Variants in SLCO2A1 observed in about 807,000 individuals in gnomAD.
SLCO2A1 encodes the protein matrin F/G 1.
In SLCO2A1, 60 loss-of-function variants were observed where a neutral mutation model predicts 71.7. That is an observed-to-expected ratio of 0.84 (90% CI 0.68 to 1.04). The LOEUF (loss-of-function observed/expected upper bound fraction) is 1.04. Ranked by LOEUF, SLCO2A1 falls within the 50% of genes least tolerant of loss-of-function variation. The pLI is 0.00. For synonymous variants in SLCO2A1, 308 were observed against 326.7 expected, an observed-to-expected ratio of 0.94 and a Z score of 0.62; for missense variants, 745 against 813.4, an observed-to-expected ratio of 0.92 and a Z score of 1.02.
chr3:133,944,741 C>T (rs1382569328), intron 10 of SLCO2A1, among the ~76,000 whole-genome samples: 1 of 152,248 alleles, frequency 6.6e-6, no homozygotes, highest in Non-Finnish European at 1.5e-5. Flanking sequence ...GGGCCACGGC[C>T]AGCCTGCAGG....
intron 10 of SLCO2A1, among the ~76,000 whole-genome samples, chr3:133,944,064 C>A (rs1933501919): frequency 6.6e-6 from 1 of 152,236 alleles, no homozygotes; most frequent in Non-Finnish European, 1.5e-5. Flanking sequence ...CCAAGCCCGG[C>A]CTTTTCTCTT....
chr3:134,003,300 G>A (rs1304090483), intron 1 of SLCO2A1, among the ~76,000 whole-genome samples: 1 of 152,206 alleles, frequency 6.6e-6, no homozygotes, highest in African/African-American at 2.4e-5. Flanking sequence ...CAGCACATGG[G>A]TGGATTCACG....
chr3:133,992,369 A>G (rs529492011), intron 1 of SLCO2A1, among the ~76,000 whole-genome samples: 3 of 152,356 alleles, frequency 2.0e-5, no homozygotes, highest in African/African-American at 7.2e-5. Flanking sequence ...ATAGAGCACA[A>G]GAAAGGGAGG....
intron 1 of SLCO2A1, among the ~76,000 whole-genome samples, chr3:134,024,899 C>G (rs371041748): frequency 1.3e-5 from 2 of 152,188 alleles, no homozygotes; most frequent in South Asian, 2.1e-4. Flanking sequence ...ATCAGAGAGC[C>G]CAGTTGAACA....
In SLCO2A1 at chr3:133,967,150, C is replaced by G. The variant is rs141813519; in HGVS notation, c.397+6513G>C. On this transcript the variant is annotated intron_variant, in intron 3 of 13. Coordinates refer to ENST00000310926, the MANE Select transcript of SLCO2A1 (RefSeq NM_005630.3). ...GCAGCTTGCCTCCTGGACCCTCCCC[C>G]CAAGCAGACCTGTCACTCAGCTTCA... Among the ~76,000 whole-genome samples, 206 of 152,296 alleles carry G rather than the reference C, an allele frequency of 1.4e-3. 1 individual carries two copies. The highest frequency in any genetic ancestry group is 4.7e-3 in the African/African-American group (194 of 41,572).
At chr3:133,994,617 T>A (rs1460993646) in intron 1 of SLCO2A1, among the ~76,000 whole-genome samples, 3 of 152,236 alleles carry the variant, frequency 2.0e-5, no homozygotes, top group African/African-American at 4.8e-5. Flanking sequence ...CCTGTGCCCA[T>A]CTTCCGCCAT....
Position 133,979,436 on chromosome 3 carries a change from C to G in SLCO2A1, c.234+45G>C, listed in dbSNP as rs4640563. The stretch of plus-strand genomic sequence containing the variant: ...TGCTTCTCCTGGATCTTGTGGTCAG[C>G]GTGGTGCACAAGTGGAGTCTGATGG... On this transcript the variant is annotated intron_variant, in intron 2 of 13. Transcript: ENST00000310926. The G allele has an allele frequency of 0.88, 1,424,931 of 1,612,012 alleles. 630,381 individuals are homozygous for G. Among genetic ancestry groups the G allele is most frequent in the East Asian group, 0.95 (42,558 of 44,862 alleles).
chr3:134,013,225 T>C (rs1400081792), intron 1 of SLCO2A1, among the ~76,000 whole-genome samples: 1 of 152,202 alleles, frequency 6.6e-6, no homozygotes, highest in Non-Finnish European at 1.5e-5. Flanking sequence ...CATATCAGTC[T>C]CAGCTCCCAG....
intron 1 of SLCO2A1, among the ~76,000 whole-genome samples, chr3:133,986,512 A>C (rs1196572878): frequency 2.6e-5 from 4 of 152,208 alleles, no homozygotes; most frequent in African/African-American, 9.6e-5. Flanking sequence ...CTTGCAGGGC[A>C]GGGAGGGCAG....
At chr3:134,029,399 T>G (rs1368276101) in intron 1 of SLCO2A1, among the ~76,000 whole-genome samples, 2 of 152,202 alleles carry the variant, frequency 1.3e-5, no homozygotes, top group Admixed American at 6.5e-5. Flanking sequence ...CTTATAACTC[T>G]GCCTGGAGTT....
At chr3:133,958,619 G>A (rs567447409) in intron 3 of SLCO2A1, among the ~76,000 whole-genome samples, 1 of 152,302 alleles carries the variant, frequency 6.6e-6, no homozygotes, top group East Asian at 1.9e-4. Flanking sequence ...ACCTGGCATG[G>A]CTAACTGACT....
chr3:133,939,278 G>A (rs745655122), intron 11 of SLCO2A1, among the ~76,000 whole-genome samples: 9 of 152,192 alleles, frequency 5.9e-5, no homozygotes, highest in Non-Finnish European at 8.8e-5. Flanking sequence ...AGCAGGGGAC[G>A]GCCCTGCCAT....
intron 1 of SLCO2A1, among the ~76,000 whole-genome samples, chr3:134,012,442 C>T (rs1435376912): frequency 6.6e-6 from 1 of 152,070 alleles, no homozygotes; most frequent in Non-Finnish European, 1.5e-5. Flanking sequence ...CAGTGAGCTC[C>T]CCATCAGAAC....
intron 3 of SLCO2A1, among the ~76,000 whole-genome samples, chr3:133,968,196 C>G (rs1934233530): frequency 6.7e-6 from 1 of 150,360 alleles, no homozygotes; most frequent in Admixed American, 6.6e-5. Flanking sequence ...TCTCCACATA[C>G]ACCTACCTCC....
intron 1 of SLCO2A1, among the ~76,000 whole-genome samples, chr3:134,022,934 T>C (rs899508649): frequency 1.5e-4 from 23 of 152,206 alleles, no homozygotes; most frequent in Admixed American, 6.5e-5. Context: ...ACTTGGTTTA[T>C]CTTCCACTTT....
intron 1 of SLCO2A1, among the ~76,000 whole-genome samples, chr3:133,992,597 C>T (rs888785329): frequency 1.4e-4 from 22 of 152,170 alleles, no homozygotes; most frequent in African/African-American, 3.9e-4. Flanking sequence ...ACCCATGGCC[C>T]GCCCTGCACC....
At chr3:133,980,874 C>T (rs1401093240) in intron 1 of SLCO2A1, among the ~76,000 whole-genome samples, 1 of 152,220 alleles carries the variant, frequency 6.6e-6, no homozygotes, top group Non-Finnish European at 1.5e-5. Context: ...CAAAACCAGA[C>T]ACCTCTCCTG....
At chr3:133,959,981 A>G (rs973609754) in intron 3 of SLCO2A1, among the ~76,000 whole-genome samples, 8 of 152,182 alleles carry the variant, frequency 5.3e-5, no homozygotes, top group Middle Eastern at 3.4e-3. Flanking sequence ...TTAGGTGGGC[A>G]TGGTGGCTCG....
intron 3 of SLCO2A1, among the ~76,000 whole-genome samples, chr3:133,968,186 T>C (rs996709462): frequency 1.4e-5 from 2 of 144,504 alleles, no homozygotes; most frequent in African/African-American, 5.2e-5. Flanking sequence ...GCCCCCCACA[T>C]CTCCACATAC....
Sources: allele counts gnomAD v4.1 joint callset (sites outside exome capture counted in the v4.1 genomes callset), GRCh38; gene constraint gnomAD v4.1.1; transcripts MANE v1.5; gene names NCBI Gene and HGNC (gene_info 2026-07-23, HGNC 2026-07-21).